AFG1L: variants seen among roughly 807,000 people sequenced by gnomAD.
AFG1L encodes AFG1-like ATPase.
In AFG1L, 53 loss-of-function variants were observed where a neutral mutation model predicts 62.2. That is an observed-to-expected ratio of 0.85 (90% CI 0.68 to 1.07). The LOEUF is 1.07. Ranked by LOEUF, AFG1L falls within the 50% of genes least tolerant of loss-of-function variation. The pLI, the probability that AFG1L is intolerant of heterozygous loss-of-function variation, is 0.00. For synonymous variants in AFG1L, 228 were observed against 210.3 expected, an observed-to-expected ratio of 1.08 and a Z score of -0.73; for missense variants, 555 against 590.5, an observed-to-expected ratio of 0.94 and a Z score of 0.62.
chr6:108,295,110 C>G lies in AFG1L; in HGVS notation c.31C>G (p.Leu11Val), dbSNP rs774065452. The change falls in exon 1 of 13, where the codon CTG becomes GTG. Residue 11 changes from leucine to valine, a missense_variant. By Grantham distance (32) the Leu-to-Val change is conservative. Transcript: ENST00000368977. The stretch of plus-strand genomic sequence containing the variant: ...GGCCTCCTGGTCGCTCTTGGTTACC[C>G]TGCGCCCCTTAGCACAGAGCCCGCT... The part of the protein sequence containing the change: MAASWSLLVT[L>V]RPLAQSPLRG... 1 of 1,611,500 alleles carries G rather than the reference C, an allele frequency of 6.2e-7. No individual in the cohort carries two copies. Among genetic ancestry groups the G allele is most frequent in the African/African-American group, 1.3e-5 (1 of 74,952 alleles).
intron 8 of AFG1L, among the ~76,000 whole-genome samples, chr6:108,475,614 T>C (rs1773075241): frequency 6.6e-6 from 1 of 152,222 alleles, no homozygotes; most frequent in Admixed American, 6.5e-5. Context: ...AATATGACAC[T>C]AGACCTCATG....
intron 8 of AFG1L, among the ~76,000 whole-genome samples, chr6:108,457,663 A>C (rs1481022488): frequency 6.6e-6 from 1 of 152,036 alleles, no homozygotes; most frequent in East Asian, 1.9e-4. Flanking sequence ...CTTTTAATTT[A>C]CCTACATATT....
At chr6:108,447,588 A>G (rs781056058) in intron 8 of AFG1L, among the ~76,000 whole-genome samples, 3 of 152,206 alleles carry the variant, frequency 2.0e-5, no homozygotes, top group Non-Finnish European at 4.4e-5. Context: ...TTACGAGAAT[A>G]TCTTTAATGT....
chr6:108,372,158 T>C (rs1414097301), intron 6 of AFG1L, among the ~76,000 whole-genome samples: 1 of 151,834 alleles, frequency 6.6e-6, no homozygotes, highest in East Asian at 1.9e-4. Context: ...TCACTTTTTT[T>C]CATTTATTTC....
At chr6:108,409,783 G>T (rs1389815231) in intron 7 of AFG1L, among the ~76,000 whole-genome samples, 3 of 151,996 alleles carry the variant, frequency 2.0e-5, no homozygotes, top group Non-Finnish European at 4.4e-5. Context: ...ACTTATGAAA[G>T]ATCATATAAA....
At chr6:108,510,882 G>A (rs895683792) in intron 11 of AFG1L, among the ~76,000 whole-genome samples, 1 of 152,084 alleles carries the variant, frequency 6.6e-6, no homozygotes, top group African/African-American at 2.4e-5. Context: ...TTCAAGACCA[G>A]CCTGGACAAC....
intron 2 of AFG1L, among the ~76,000 whole-genome samples, chr6:108,343,808 G>T (rs1276674590): frequency 6.6e-6 from 1 of 152,180 alleles, no homozygotes; most frequent in Non-Finnish European, 1.5e-5. Context: ...TTAACATGCA[G>T]AGAGATACCA....
chr6:108,416,060 C>T (rs1354847653), intron 7 of AFG1L, among the ~76,000 whole-genome samples: 1 of 152,094 alleles, frequency 6.6e-6, no homozygotes, highest in African/African-American at 2.4e-5. Flanking sequence ...ACAAAGAACT[C>T]AAACAAATTT....
chr6:108,502,566 C>G (rs1204551626), intron 10 of AFG1L, among the ~76,000 whole-genome samples: 3 of 152,100 alleles, frequency 2.0e-5, no homozygotes, highest in African/African-American at 7.2e-5. Context: ...TCTTGAACTC[C>G]TGACCTCAAG....
At chr6:108,362,952 A>G (rs567185166) in intron 5 of AFG1L, among the ~76,000 whole-genome samples, 1 of 152,292 alleles carries the variant, frequency 6.6e-6, no homozygotes, top group South Asian at 2.1e-4. Flanking sequence ...CAGTATATCT[A>G]CAATCACCAC....
chr6:108,501,098 A>G (rs568389349), intron 10 of AFG1L, among the ~76,000 whole-genome samples: 1 of 152,142 alleles, frequency 6.6e-6, no homozygotes. Context: ...GGTTCAAGCA[A>G]TTCTCCTACC....
chr6:108,414,583 T>G (rs1455264882), intron 7 of AFG1L, among the ~76,000 whole-genome samples: 1 of 152,140 alleles, frequency 6.6e-6, no homozygotes, highest in Non-Finnish European at 1.5e-5. Context: ...ATGATCAAGT[T>G]GGCTTCTTCC....
At chr6:108,464,707 G>A (rs897682779) in intron 8 of AFG1L, among the ~76,000 whole-genome samples, 2 of 151,806 alleles carry the variant, frequency 1.3e-5, no homozygotes, top group Admixed American at 6.6e-5. Flanking sequence ...CACAACAAAA[G>A]AAAAAAGAGC....
intron 8 of AFG1L, among the ~76,000 whole-genome samples, chr6:108,460,205 A>C (rs75178463): frequency 0.044 from 6,711 of 152,118 alleles, 223 homozygotes; most frequent in South Asian, 0.11. Context: ...TGGCTTTATC[A>C]AGATGCAATT....
In AFG1L at chr6:108,402,044, C is replaced by T; in HGVS notation, c.797C>T (p.Ala266Val). 2.0e-6 allele frequency: 3 copies of T among 1,503,992 alleles called. No individual in the cohort carries two copies. The highest frequency in any genetic ancestry group is 2.7e-6 in the Non-Finnish European group (3 of 1,116,362). 93.2% of individuals were successfully genotyped at this position (1,503,992 alleles called of 1,614,324 possible). The change falls in exon 7 of 13, where the codon GCA becomes GTA. Residue 266 changes from alanine (A) to valine (V), a missense_variant. Ala to Val is a moderately conservative substitution (Grantham distance 64). Transcript: ENST00000368977. ...LQRANFVPFI[A>V]VLKEYCNTVQ... ...AGAGCTAACTTTGTACCATTCATAG[C>T]AGTCTTGAAGGTAAAAACAAATCAT...
chr6:108,361,132 G>T (rs889483848), intron 5 of AFG1L, among the ~76,000 whole-genome samples: 1 of 152,226 alleles, frequency 6.6e-6, no homozygotes, highest in African/African-American at 2.4e-5. Context: ...TGACCAGGGG[G>T]TCCCTCACAC....
At chr6:108,383,576 C>T (rs955783685) in intron 6 of AFG1L, among the ~76,000 whole-genome samples, 1 of 151,876 alleles carries the variant, frequency 6.6e-6, no homozygotes, top group Non-Finnish European at 1.5e-5. Flanking sequence ...GGAAAACTAA[C>T]ATAAGAAGCT....
At chr6:108,481,927 G>A (rs950384021) in intron 10 of AFG1L, among the ~76,000 whole-genome samples, 1 of 152,216 alleles carries the variant, frequency 6.6e-6, no homozygotes, top group East Asian at 1.9e-4. Flanking sequence ...ACATTTTCTT[G>A]AAAATGAATG....
At chr6:108,322,317 A>T (rs1178365518) in intron 1 of AFG1L, among the ~76,000 whole-genome samples, 1 of 152,180 alleles carries the variant, frequency 6.6e-6, no homozygotes, top group African/African-American at 2.4e-5. Flanking sequence ...GCTCTGCTTC[A>T]TTCAACATTC....
Sources: allele counts gnomAD v4.1 joint callset (sites outside exome capture counted in the v4.1 genomes callset), GRCh38; gene constraint gnomAD v4.1.1; transcripts MANE v1.5; gene names NCBI Gene and HGNC (gene_info 2026-07-23, HGNC 2026-07-21).